The following USH1C variants were observed in gnomAD, a reference collection of about 807,000 sequenced individuals.
USH1C encodes USH1 protein network component harmonin.
USH1C carries 90 observed loss-of-function variants against 119.3 expected under a neutral mutation model. That is an observed-to-expected ratio of 0.75 (90% CI 0.64 to 0.90). The LOEUF (loss-of-function observed/expected upper bound fraction) is 0.90, where lower values mean the gene tolerates loss of function less well. Among genes scored for constraint, USH1C ranks in the 40% least tolerant of loss-of-function variants. USH1C has a pLI of 0.00. For missense variants in USH1C, 1,165 were observed against 1,167.7 expected (o/e 1.00, Z 0.03); for synonymous variants, 465 against 443.3 (o/e 1.05, Z -0.62).
At chr11:17,506,137 G>A (rs1849640222) in intron 18 of USH1C, among the ~76,000 whole-genome samples, 188 bp from the exon 19 acceptor site, 1 of 152,212 alleles carries the variant, frequency 6.6e-6, no homozygotes, top group Admixed American at 6.5e-5. Context: ...GCCACAGTGT[G>A]GGCTGAGATC....
At chr11:17,514,169 CAG>C (rs1253896343) in intron 15 of USH1C, among the ~76,000 whole-genome samples, 1 of 152,212 alleles carries the variant, frequency 6.6e-6, no homozygotes, top group African/African-American at 2.4e-5. Flanking sequence ...CCTTGAGCCC[CAG>C]AGGGATTTAC....
chr11:17,520,177 A>AGCTG lies in USH1C; in HGVS notation c.1210+689_1210+692dup, dbSNP rs1850347096. Among the ~76,000 whole-genome samples, 3 of 152,166 alleles carry AGCTG rather than the reference A, an allele frequency of 2.0e-5. No individual in the cohort carries two copies. In the South Asian group the frequency reaches 6.2e-4, roughly 32 times the overall value. On this transcript the variant is annotated intron_variant, in intron 14 of 26. Transcript: ENST00000005226. ...GCTGCCTCTTAAAGAGGCATATGGAAGCTGGGGTTGAGAAGGTGGTCAGGG... is the reference window on the plus strand; with the variant it reads ...GCTGCCTCTTAAAGAGGCATATGGAAGCTGGCTGGGGTTGAGAAGGTGGTCAGGG...
intron 15 of USH1C, among the ~76,000 whole-genome samples, chr11:17,515,894 G>A (rs954835760): frequency 2.6e-5 from 4 of 152,222 alleles, no homozygotes; most frequent in Non-Finnish European, 4.4e-5. Flanking sequence ...AATTTGCTCT[G>A]TCTGACCCCA....
At chr11:17,506,046 C>G (rs1849637003) in intron 18 of USH1C, 97 bp from the exon 19 acceptor site, 2 of 1,576,608 alleles carry the variant, frequency 1.3e-6, no homozygotes, top group Admixed American at 3.4e-5. Flanking sequence ...TACACCCATG[C>G]ATATGTGAAG....
chr11:17,498,748 G>A (rs185040354), intron 23 of USH1C, among the ~76,000 whole-genome samples: 1 of 152,120 alleles, frequency 6.6e-6, no homozygotes, highest in South Asian at 2.1e-4. Context: ...TCTGACCCCC[G>A]CTCAGTCGAA....
At chr11:17,539,295 A>T (rs1851356823) in intron 1 of USH1C, among the ~76,000 whole-genome samples, 1 of 152,028 alleles carries the variant, frequency 6.6e-6, no homozygotes, top group African/African-American at 2.4e-5. Flanking sequence ...TCTCCCCACA[A>T]GCCTGTGTGT....
At chr11:17,495,882 G>A (rs921614511) in intron 25 of USH1C, among the ~76,000 whole-genome samples, 1 of 151,928 alleles carries the variant, frequency 6.6e-6, no homozygotes, top group African/African-American at 2.4e-5. Context: ...AGCAGGCCCA[G>A]CCACGACAGG....
chr11:17,527,793 A>ACC (rs1850777692), intron 4 of USH1C, among the ~76,000 whole-genome samples: 1 of 152,240 alleles, frequency 6.6e-6, no homozygotes, highest in Non-Finnish European at 1.5e-5. Context: ...ACAACACTGT[A>ACC]ACTGAGTCGG....
At chr11:17,503,651 A>T (rs961338765) in intron 20 of USH1C, among the ~76,000 whole-genome samples, 1 of 152,262 alleles carries the variant, frequency 6.6e-6, no homozygotes, top group Non-Finnish European at 1.5e-5. Flanking sequence ...GTGTGACGAC[A>T]GTGCTTTAAG....
intron 4 of USH1C, among the ~76,000 whole-genome samples, chr11:17,530,140 C>T (rs1157006055): frequency 6.6e-6 from 1 of 152,178 alleles, no homozygotes; most frequent in Non-Finnish European, 1.5e-5. Context: ...CATTAGCCTT[C>T]GAGCCCCTTG....
intron 20 of USH1C, among the ~76,000 whole-genome samples, chr11:17,503,462 T>C (rs1458835541): frequency 6.6e-6 from 1 of 152,136 alleles, no homozygotes; most frequent in African/African-American, 2.4e-5. Flanking sequence ...CAACCCCTCA[T>C]TCAACAGAGG....
chr11:17,508,035 C>T (rs1201816748), intron 18 of USH1C, among the ~76,000 whole-genome samples: 2 of 152,242 alleles, frequency 1.3e-5, no homozygotes, highest in African/African-American at 4.8e-5. Flanking sequence ...TTCAGCACTG[C>T]TCCCCTCTCC....
intron 2 of USH1C, among the ~76,000 whole-genome samples, chr11:17,532,894 G>C (rs1251864282): frequency 6.6e-6 from 1 of 152,118 alleles, no homozygotes; most frequent in East Asian, 1.9e-4. Context: ...AAAGCAAGTG[G>C]GTGATCGGAG....
chr11:17,533,365 C>G (rs757289574), intron 1 of USH1C, 43 bp from the exon 2 acceptor site: 17 of 1,436,764 alleles, frequency 1.2e-5, no homozygotes, highest in African/African-American at 5.6e-5. Context: ...GGCTCAGCAC[C>G]CGCCCCCATA....
rs2240487 is a variant in USH1C at position 17,520,892 on chromosome 11, T to G, written c.1188A>C (p.Pro396=). 1 of 1,613,872 alleles carries G rather than the reference T, an allele frequency of 6.2e-7. No homozygotes were observed. Among genetic ancestry groups the G allele is most frequent in the Non-Finnish European group, 8.5e-7 (1 of 1,179,926 alleles). Residue 396 remains proline, a synonymous_variant, in exon 14 of 27, where the codon CCA becomes CCC. Transcript: ENST00000005226. Reference sequence around the variant, plus strand: ...TACACTTTGGCTTGCGAAGGGGTACTGGGTGTACCTCAGCAGTGATGGTTT... The same window carrying G: ...TACACTTTGGCTTGCGAAGGGGTACGGGGTGTACCTCAGCAGTGATGGTTT... ...LPKTITAEVH[P]VPLRKPKSFG...
chr11:17,522,653 C>T, intron 12 of USH1C, 131 bp downstream of exon 12: 1 of 1,378,656 alleles, frequency 7.3e-7, no homozygotes, highest in Non-Finnish European at 1.0e-6. Flanking sequence ...CCAAACTCAT[C>T]TGGTCTGAGG....
intron 1 of USH1C, among the ~76,000 whole-genome samples, chr11:17,535,273 C>T (rs1455320225): frequency 6.6e-6 from 1 of 152,180 alleles, no homozygotes; most frequent in Non-Finnish European, 1.5e-5. Context: ...ACAAAGTCCT[C>T]CTTTCAGTTC....
intron 7 of USH1C, 33 bp downstream of exon 7, chr11:17,526,720 C>A (rs759281415): frequency 3.1e-5 from 50 of 1,610,106 alleles, no homozygotes; most frequent in Non-Finnish European, 4.1e-5. Flanking sequence ...GATGACCCCA[C>A]CCAAACCCCA....
rs1270286362 is a variant in USH1C at position 17,522,601 on chromosome 11, G to C, written c.1019+183C>G. Among the ~76,000 whole-genome samples, 11 of 152,202 alleles carry C rather than the reference G, an allele frequency of 7.2e-5. No individual in the cohort carries two copies. The South Asian group carries it at 2.3e-3, about 31-fold the overall frequency. On this transcript the variant is annotated intron_variant, in intron 12 of 26. Coordinates refer to ENST00000005226, the MANE Select transcript of USH1C (RefSeq NM_153676.4). Reference sequence around the variant, plus strand: ...GGCTCTGCTCAGCAAGGAGGAAGGAGCCAGGTGGTCTGAGGCCAAGGATGG... The same window carrying C: ...GGCTCTGCTCAGCAAGGAGGAAGGACCCAGGTGGTCTGAGGCCAAGGATGG...
Sources: allele counts gnomAD v4.1 joint callset (sites outside exome capture counted in the v4.1 genomes callset), GRCh38; gene constraint gnomAD v4.1.1; transcripts MANE v1.5; gene names NCBI Gene and HGNC (gene_info 2026-07-23, HGNC 2026-07-21).